BZW2: variants seen among roughly 807,000 people sequenced by gnomAD.
The protein encoded by BZW2 is basic leucine zipper and W2 domains 2, also known as eIF5-mimic protein 1.
Under a neutral mutation model 53.2 loss-of-function variants are expected in BZW2, and 23 were observed. The observed-to-expected ratio is 0.43, with a 90% confidence interval of 0.31 to 0.61. BZW2 has a LOEUF of 0.61. Ranked by LOEUF, BZW2 falls within the 20% of genes least tolerant of loss-of-function variation. The probability of loss-of-function intolerance (pLI) is 0.09; values close to 1 mark genes in which losing one functional copy is unlikely to be tolerated. For synonymous variants in BZW2, 227 were observed against 186.4 expected, an observed-to-expected ratio of 1.22 and a Z score of -1.77; for missense variants, 409 against 503.1, an observed-to-expected ratio of 0.81 and a Z score of 1.79.
At position 16,678,765 on chromosome 7, in the gene BZW2, C is replaced by T. The variant is rs74581560; in HGVS notation, c.236-2536C>T. ...TTTTCTGTTTTCCCTAAGTGTTGGC[C>T]GGTGTGAGAAATAGAGAAAGAGTAC... On this transcript the variant is annotated intron_variant, in intron 3 of 11. Transcript: ENST00000258761. Among the ~76,000 whole-genome samples, 135 of 151,096 alleles carry T rather than the reference C, an allele frequency of 8.9e-4. 5 individuals are homozygous for T. In the East Asian group the frequency reaches 0.024, roughly 27 times the overall value.
intron 8 of BZW2, among the ~76,000 whole-genome samples, chr7:16,696,665 C>T (rs1425125996): frequency 6.6e-6 from 1 of 152,242 alleles, no homozygotes; most frequent in Non-Finnish European, 1.5e-5. Flanking sequence ...TCCTCTCTTA[C>T]TCCACATTAT....
At chr7:16,658,339 T>C (rs1205130747) in intron 1 of BZW2, among the ~76,000 whole-genome samples, 1 of 152,232 alleles carries the variant, frequency 6.6e-6, no homozygotes, top group Non-Finnish European at 1.5e-5. Flanking sequence ...AATTTGTTTC[T>C]ACATGGATAT....
intron 1 of BZW2, among the ~76,000 whole-genome samples, chr7:16,658,719 A>G (rs1326609574): frequency 1.3e-5 from 2 of 152,026 alleles, no homozygotes; most frequent in Non-Finnish European, 2.9e-5. Flanking sequence ...TACTAAAAAT[A>G]CAAAAATTAG....
chr7:16,656,137 C>CTATATATACATATATATATATATA (rs1782115856), intron 1 of BZW2, among the ~76,000 whole-genome samples: 2 of 141,454 alleles, frequency 1.4e-5, no homozygotes, highest in African/African-American at 5.8e-5. Context: ...ATATAAATGA[C>CTATATATACATATATATATATATA]TATATATATA....
At chr7:16,693,166 C>T (rs1156253930) in intron 7 of BZW2, among the ~76,000 whole-genome samples, 1 of 152,106 alleles carries the variant, frequency 6.6e-6, no homozygotes, top group Non-Finnish European at 1.5e-5. Flanking sequence ...TGGGAATAGA[C>T]TCAGGAGCAA....
At chr7:16,702,988 T>C (rs958885152) in intron 10 of BZW2, among the ~76,000 whole-genome samples, 4 of 152,220 alleles carry the variant, frequency 2.6e-5, no homozygotes, top group African/African-American at 7.2e-5. Flanking sequence ...TTACAAGTTA[T>C]ATAAAAGGGT....
chr7:16,674,540 C>T lies in BZW2; in HGVS notation c.187C>T (p.Arg63Cys). ...DSTGSRLDYR[R>C]YADTLFDILV... ...TACAGGCTCAAGATTAGATTATCGTCGCTATGCAGACACACTCTTCGATAT... is the reference window on the plus strand; with the variant it reads ...TACAGGCTCAAGATTAGATTATCGTTGCTATGCAGACACACTCTTCGATAT... The change falls in exon 3 of 12, where the codon CGC (arginine) becomes TGC (cysteine). Residue 63 changes from arginine to cysteine, a missense_variant. This residue lies in a region of BZW2 where 316 missense variants were observed against 366.8 expected (regional missense o/e 0.86). Coordinates refer to ENST00000258761, the MANE Select transcript of BZW2 (RefSeq NM_014038.3). The T allele has an allele frequency of 1.2e-6, 2 of 1,611,632 alleles. No individual in the cohort carries two copies. The highest frequency in any genetic ancestry group is 1.7e-6 in the Non-Finnish European group (2 of 1,178,500).
At chr7:16,691,691 T>C (rs1487468789) in intron 7 of BZW2, among the ~76,000 whole-genome samples, 1 of 152,242 alleles carries the variant, frequency 6.6e-6, no homozygotes, top group Admixed American at 6.5e-5. Context: ...GTTCTCTTAA[T>C]ACTCTTTTGA....
intron 7 of BZW2, among the ~76,000 whole-genome samples, chr7:16,693,692 G>A (rs1783391269): frequency 6.6e-6 from 1 of 152,194 alleles, no homozygotes; most frequent in African/African-American, 2.4e-5. Flanking sequence ...TCCCTTCCCT[G>A]CAGATTTGGA....
At chr7:16,689,036 C>T (rs918749562) in intron 6 of BZW2, among the ~76,000 whole-genome samples, 4 of 152,010 alleles carry the variant, frequency 2.6e-5, no homozygotes, top group Non-Finnish European at 5.9e-5. Context: ...GACTAGCCTG[C>T]CCAACATGGC....
rs895476578 is a variant in BZW2 at position 16,646,287 on chromosome 7, A to G, written c.-9A>G. 1.2e-5 allele frequency: 3 copies of G among 254,196 alleles called. No individual in the cohort carries two copies. Among genetic ancestry groups the G allele is most frequent in the African/African-American group, 4.6e-5 (2 of 43,014 alleles). The allele number at this position is 254,196 out of a possible 1,614,324, so 15.7% of individuals were successfully genotyped here. A position where few individuals can be genotyped will look rare whatever the true frequency, so the allele number is the denominator to read the frequency against. Reference sequence around the variant, plus strand: ...GCGCGTCGTCGCTACCTCCTCGGACAGGTGAGAAGCAGCCCAGGTGAGGCA... The same window carrying G: ...GCGCGTCGTCGCTACCTCCTCGGACGGGTGAGAAGCAGCCCAGGTGAGGCA... On this transcript the variant is annotated splice_region_variant and 5_prime_UTR_variant, in exon 1 of 12. Coordinates refer to ENST00000258761, the MANE Select transcript of BZW2 (RefSeq NM_014038.3).
chr7:16,672,403 T>C lies in BZW2; in HGVS notation c.59-2009T>C, dbSNP rs902791349. 3.9e-5 allele frequency among the ~76,000 whole-genome samples: 6 copies of C among 152,178 alleles called. No individual in the cohort carries two copies. The East Asian group carries it at 1.2e-3, about 29-fold the overall frequency. On this transcript the variant is annotated intron_variant, in intron 2 of 11. Coordinates refer to ENST00000258761, the MANE Select transcript of BZW2 (RefSeq NM_014038.3). ...GATAATCTTAGGTTTCTCTTAATGCTTCCATTGAGTTTTTTACTTTTCCTA... is the reference window on the plus strand; with the variant it reads ...GATAATCTTAGGTTTCTCTTAATGCCTCCATTGAGTTTTTTACTTTTCCTA...
intron 9 of BZW2, among the ~76,000 whole-genome samples, chr7:16,697,313 A>G (rs1783530515): frequency 6.6e-6 from 1 of 151,304 alleles, no homozygotes; most frequent in South Asian, 2.1e-4. Context: ...CTGGTCTTGA[A>G]CTCCTGCATT....
intron 3 of BZW2, among the ~76,000 whole-genome samples, chr7:16,680,531 A>G (rs1436307483): frequency 1.3e-5 from 2 of 152,184 alleles, no homozygotes; most frequent in African/African-American, 2.4e-5. Context: ...AAGGCCAACT[A>G]CAGTGGCTTA....
At position 16,686,007 on chromosome 7, in the gene BZW2, A is replaced by T; in HGVS notation, c.508A>T (p.Thr170Ser). 2 of 1,608,638 alleles carry T rather than the reference A, an allele frequency of 1.2e-6. No individual in the cohort carries two copies. The highest frequency in any genetic ancestry group is 1.7e-6 in the Non-Finnish European group (2 of 1,178,496). ...GNGTLPATIL[T>S]SLFTDSLVKE... ...TGGCACCCTGCCCGCCACCATCCTC[A>T]CCAGTCTCTTCACCGACAGCTTAGT... The change falls in exon 6 of 12, where the codon ACC becomes TCC. Residue 170 changes from threonine (T) to serine (S), a missense_variant. Around this residue, in one of 3 missense-constraint regions of BZW2, gnomAD observed 316 missense variants for 366.8 expected, o/e 0.86. Coordinates refer to ENST00000258761, the MANE Select transcript of BZW2 (RefSeq NM_014038.3).
At chr7:16,699,886 T>C (rs1783616606) in intron 10 of BZW2, among the ~76,000 whole-genome samples, 1 of 152,182 alleles carries the variant, frequency 6.6e-6, no homozygotes, top group Non-Finnish European at 1.5e-5. Context: ...CCCCAGATGC[T>C]AAGGGTCAGT....
At position 16,665,455 on chromosome 7, in the gene BZW2, T is replaced by C. The variant is rs777130996; in HGVS notation, c.12T>C (p.His4=). ...TTTTCAGAAATTTTATGAATAAGCA[T>C]CAGAAGCCAGTGCTAACAGGCCAGC... is the stretch of plus-strand genomic sequence containing the variant. The part of the protein sequence containing the change: MNK[H]QKPVLTGQRF... Residue 4 remains histidine (H), a synonymous_variant, in exon 2 of 12, where the codon CAT becomes CAC. Transcript: ENST00000258761. The C allele has an allele frequency of 1.2e-5, 19 of 1,613,956 alleles. 1 individual carries two copies. The highest frequency in any genetic ancestry group is 2.7e-5 in the African/African-American group (2 of 74,886).
At chr7:16,670,228 G>T (rs554826186) in intron 2 of BZW2, among the ~76,000 whole-genome samples, 1 of 152,206 alleles carries the variant, frequency 6.6e-6, no homozygotes, top group African/African-American at 2.4e-5. Flanking sequence ...AAATATCCTT[G>T]GCTGTAGTAT....
At chr7:16,673,091 G>T in intron 2 of BZW2, among the ~76,000 whole-genome samples, 1 of 151,896 alleles carries the variant, frequency 6.6e-6, no homozygotes, top group Non-Finnish European at 1.5e-5. Context: ...GACTAACAGG[G>T]GCCCGCCACC....
Sources: allele counts gnomAD v4.1 joint callset (sites outside exome capture counted in the v4.1 genomes callset), GRCh38; gene constraint gnomAD v4.1.1; regional missense constraint gnomAD v4.1.1; transcripts MANE v1.5; gene names NCBI Gene and HGNC (gene_info 2026-07-23, HGNC 2026-07-21).